ASPH: variants seen among roughly 807,000 people sequenced by gnomAD.
ASPH encodes the protein aspartyl/asparaginyl beta-hydroxylase.
Under a neutral mutation model 118.4 loss-of-function variants are expected in ASPH, and 100 were observed. That is an observed-to-expected ratio of 0.84 (90% CI 0.72 to 1.00). ASPH has a LOEUF of 1.00. Ranked by LOEUF, ASPH falls within the 50% of genes least tolerant of loss-of-function variation. ASPH has a pLI of 0.00. For synonymous variants in ASPH, 315 were observed against 325.6 expected (o/e 0.97, Z 0.35); for missense variants, 920 against 919.5 (o/e 1.00, Z -0.01).
chr8:61,640,936 C>T lies in ASPH; in HGVS notation c.790+1952G>A, dbSNP rs146825898. Among the ~76,000 whole-genome samples the T allele has an allele frequency of 6.9e-3, 1,049 of 152,304 alleles. 8 individuals carry two copies. The highest frequency in any genetic ancestry group is 0.017 in the Admixed American group (261 of 15,302). Reference sequence around the variant, plus strand: ...TTTCATACAGAATATATTCTATTCTCCCATTGAAATGTGGTTTTGTTTTCA... The same window carrying T: ...TTTCATACAGAATATATTCTATTCTTCCATTGAAATGTGGTTTTGTTTTCA... On this transcript the variant is annotated intron_variant, in intron 10 of 24. Coordinates refer to ENST00000379454, the MANE Select transcript of ASPH (RefSeq NM_004318.4).
chr8:61,651,186 A>G, intron 4 of ASPH, 62 bp from the exon 5 acceptor site: 1 of 1,370,094 alleles, frequency 7.3e-7, no homozygotes, highest in Non-Finnish European at 1.0e-6. Context: ...GACCCCTAAC[A>G]CTCAAATATG....
intron 16 of ASPH, among the ~76,000 whole-genome samples, chr8:61,575,466 G>A (rs1199389008): frequency 1.3e-5 from 2 of 151,918 alleles, no homozygotes; most frequent in African/African-American, 4.8e-5. Context: ...ATATACATTG[G>A]ACTTACTTGT....
At chr8:61,598,202 C>T (rs71525458) in intron 14 of ASPH, among the ~76,000 whole-genome samples, 9 of 152,188 alleles carry the variant, frequency 5.9e-5, no homozygotes, top group Non-Finnish European at 1.3e-4. Context: ...CTGATAAAAA[C>T]ACATACCACA....
intron 12 of ASPH, among the ~76,000 whole-genome samples, chr8:61,637,686 C>T (rs1858465291): frequency 6.6e-6 from 1 of 152,194 alleles, no homozygotes; most frequent in Non-Finnish European, 1.5e-5. Context: ...TCCACACCCT[C>T]ATCAATTGTT....
intron 14 of ASPH, among the ~76,000 whole-genome samples, chr8:61,601,060 T>A (rs539013897): frequency 9.9e-5 from 15 of 151,454 alleles, no homozygotes; most frequent in Non-Finnish European, 1.3e-4. Flanking sequence ...ATCTAAATGT[T>A]CATTCCCCTA....
intron 3 of ASPH, chr8:61,660,380 A>G (rs937851189): frequency 6.6e-6 from 1 of 152,202 alleles, no homozygotes; most frequent in Non-Finnish European, 1.5e-5. Flanking sequence ...CCTTCTGGTA[A>G]AAACACACTA....
chr8:61,642,320 TA>T (rs1251625289), intron 10 of ASPH, among the ~76,000 whole-genome samples: 1 of 152,230 alleles, frequency 6.6e-6, no homozygotes, highest in Non-Finnish European at 1.5e-5. Context: ...GACACAACTA[TA>T]AAGTACTGAG....
rs561261839 is a variant in ASPH, at chr8:61,618,909, A to G, written c.976+69T>C. The G allele has an allele frequency of 3.0e-6, 4 of 1,346,036 alleles. No homozygotes were observed. In the East Asian group the frequency reaches 9.3e-5, roughly 31 times the overall value. The allele number at this position is 1,346,036 out of a possible 1,614,324, so 83.4% of individuals were successfully genotyped here. On this transcript the variant is annotated intron_variant, in intron 14 of 24. Transcript: ENST00000379454. ...TGACATAAAATCATGTTATTCTTGG[A>G]TGGAACATAAAATCATGTTATTCTT... is the stretch of plus-strand genomic sequence containing the variant.
chr8:61,712,537 T>G (rs1176679132), intron 1 of ASPH, among the ~76,000 whole-genome samples: 1 of 152,246 alleles, frequency 6.6e-6, no homozygotes, highest in Non-Finnish European at 1.5e-5. Flanking sequence ...TTTTACATAC[T>G]ATGTCTGTTT....
intron 14 of ASPH, among the ~76,000 whole-genome samples, chr8:61,595,041 T>A (rs1378180979): frequency 1.3e-5 from 2 of 152,234 alleles, no homozygotes; most frequent in African/African-American, 4.8e-5. Flanking sequence ...GGAATTCATA[T>A]TTTTTAGATA....
At chr8:61,686,228 T>A (rs1830465672) in intron 1 of ASPH, among the ~76,000 whole-genome samples, 1 of 152,202 alleles carries the variant, frequency 6.6e-6, no homozygotes, top group South Asian at 2.1e-4. Flanking sequence ...ATTTATGTAT[T>A]AAATAAAAAT....
chr8:61,571,576 AT>A (rs934796473), intron 16 of ASPH, among the ~76,000 whole-genome samples: 8 of 151,670 alleles, frequency 5.3e-5, no homozygotes, highest in Admixed American at 4.6e-4. Context: ...GTTATTTTTT[AT>A]TTTTTTTCTG....
Position 61,626,011 on chromosome 8 carries a change from G to C in ASPH, c.935-6992C>G, listed in dbSNP as rs1852633470. The C allele has an allele frequency of 4.1e-6, 5 of 1,208,630 alleles. No individual in the cohort carries two copies. In the South Asian group the frequency reaches 2.1e-4, roughly 52 times the overall value. The allele number at this position is 1,208,630 out of a possible 1,614,324, so 74.9% of individuals were successfully genotyped here. ...AAAGCTGTCTCACAAAAAGAAAAAA[G>C]AAATCCAATGGATCCACTAATGCTA... On this transcript the variant is annotated intron_variant, in intron 13 of 24. Coordinates refer to ENST00000379454, the MANE Select transcript of ASPH (RefSeq NM_004318.4).
intron 1 of ASPH, among the ~76,000 whole-genome samples, chr8:61,691,009 T>C (rs575994517): frequency 2.6e-5 from 4 of 152,320 alleles, no homozygotes; most frequent in South Asian, 4.1e-4. Flanking sequence ...CCTTTTATAA[T>C]ATCAAATAAA....
At chr8:61,593,274 A>AGG (rs1841674668) in intron 14 of ASPH, among the ~76,000 whole-genome samples, 1 of 152,126 alleles carries the variant, frequency 6.6e-6, no homozygotes, top group African/African-American at 2.4e-5. Context: ...GCCCCTTCTG[A>AGG]GGCTTTTTTT....
intron 1 of ASPH, among the ~76,000 whole-genome samples, chr8:61,703,805 A>G (rs1835832668): frequency 6.6e-6 from 1 of 152,216 alleles, no homozygotes; most frequent in African/African-American, 2.4e-5. Context: ...AAGTATCTAC[A>G]CTATTTAGAG....
chr8:61,656,206 T>G (rs1012941659), intron 3 of ASPH: 2 of 152,202 alleles, frequency 1.3e-5, no homozygotes, highest in African/African-American at 4.8e-5. Context: ...AAAATTAGGT[T>G]ATGACATGAG....
intron 22 of ASPH, among the ~76,000 whole-genome samples, chr8:61,518,617 A>G (rs1162325684): frequency 1.3e-5 from 2 of 152,234 alleles, no homozygotes; most frequent in African/African-American, 2.4e-5. Flanking sequence ...TGAAAAAAAG[A>G]AAATGGTATT....
intron 9 of ASPH, among the ~76,000 whole-genome samples, 161 bp downstream of exon 9, chr8:61,643,225 T>C (rs573588167): frequency 1.6e-3 from 238 of 152,318 alleles, no homozygotes; most frequent in African/African-American, 5.6e-3. Context: ...AGCCTGATAT[T>C]CTTATAACAG....
Sources: gnomAD v4.1 joint callset for allele counts (sites outside exome capture counted in the v4.1 genomes callset) on GRCh38, gnomAD v4.1.1 for gene constraint, MANE v1.5 for transcripts, NCBI Gene and HGNC (gene_info 2026-07-23, HGNC 2026-07-21) for gene names.